Variants in TNFSF4 observed in about 807,000 individuals in gnomAD.
TNFSF4 encodes the protein tumor necrosis factor ligand superfamily member 4.
A neutral mutation model predicts 7.3 loss-of-function variants in TNFSF4; 4 were observed. The observed-to-expected ratio is 0.55, with a 90% CI of 0.27 to 1.25. The LOEUF (loss-of-function observed/expected upper bound fraction) is 1.25. Among genes scored for constraint, TNFSF4 ranks in the 50% most tolerant of loss-of-function variants. The pLI, the probability that TNFSF4 is intolerant of heterozygous loss-of-function variation, is 0.12. For missense variants in TNFSF4, 181 were observed against 208.8 expected, an observed-to-expected ratio of 0.87 and a Z score of 0.82; for synonymous variants, 76 against 83.7, an observed-to-expected ratio of 0.91 and a Z score of 0.50.
the TNFSF4 span, among the ~76,000 whole-genome samples, chr1:173,310,655 T>C: frequency 6.6e-6 from 1 of 151,682 alleles, no homozygotes; most frequent in Non-Finnish European, 1.5e-5. Context: ...TTTTCTATAA[T>C]TTTATTGTAC....
the TNFSF4 span, among the ~76,000 whole-genome samples, chr1:173,360,278 G>A: frequency 6.6e-6 from 1 of 152,204 alleles, no homozygotes; most frequent in Non-Finnish European, 1.5e-5. Flanking sequence ...CATTCTCCTG[G>A]ACTGTGCCTT....
the TNFSF4 span, among the ~76,000 whole-genome samples, chr1:173,275,592 T>A: frequency 6.6e-6 from 1 of 152,188 alleles, no homozygotes; most frequent in Non-Finnish European, 1.5e-5. Flanking sequence ...AGACCACTTC[T>A]GTTCAATTTG....
At chr1:173,378,649 G>T in the TNFSF4 span, among the ~76,000 whole-genome samples, 5 of 152,116 alleles carry the variant, frequency 3.3e-5, no homozygotes, top group Non-Finnish European at 7.4e-5. Flanking sequence ...CTGTAAGAGG[G>T]AAAGCAAATG....
chr1:173,448,860 C>T, the TNFSF4 span, among the ~76,000 whole-genome samples: 6 of 152,128 alleles, frequency 3.9e-5, no homozygotes, highest in African/African-American at 1.4e-4. Flanking sequence ...GCTCAGAGGC[C>T]TGACAATCTT....
intron 1 of TNFSF4, among the ~76,000 whole-genome samples, chr1:173,191,179 C>T (rs1481391562): frequency 1.3e-5 from 2 of 152,124 alleles, no homozygotes; most frequent in Non-Finnish European, 2.9e-5. Flanking sequence ...AGTGACCAAA[C>T]AGACATTCTC....
At chr1:173,248,819 A>G in the TNFSF4 span, among the ~76,000 whole-genome samples, 2 of 152,196 alleles carry the variant, frequency 1.3e-5, no homozygotes, top group Non-Finnish European at 2.9e-5. Context: ...TTCGATAGCT[A>G]ACTATCCTAT....
the TNFSF4 span, among the ~76,000 whole-genome samples, chr1:173,289,329 G>A: frequency 6.8e-4 from 104 of 151,830 alleles, 2 homozygotes; most frequent in South Asian, 3.6e-3. Flanking sequence ...GTGAGGGGTC[G>A]GGGGGGCAAT....
intron 1 of TNFSF4, among the ~76,000 whole-genome samples, chr1:173,201,028 T>C (rs1649921111): frequency 6.6e-6 from 1 of 152,242 alleles, no homozygotes; most frequent in Admixed American, 6.5e-5. Flanking sequence ...TTCCCCAATG[T>C]TTCTAGATTA....
At chr1:173,383,976 GTCA>G in the TNFSF4 span, among the ~76,000 whole-genome samples, 2 of 152,134 alleles carry the variant, frequency 1.3e-5, no homozygotes, top group South Asian at 4.1e-4. Context: ...TGTTGTTATC[GTCA>G]TCATGATGAC....
the TNFSF4 span, chr1:173,441,797 A>G: frequency 0.95 from 144,815 of 152,266 alleles, 69,334 homozygotes; most frequent in East Asian, 1. Flanking sequence ...GATGTTCCCC[A>G]TGGTGTGGAG....
At chr1:173,309,989 GAGA>G in the TNFSF4 span, among the ~76,000 whole-genome samples, 1 of 151,788 alleles carries the variant, frequency 6.6e-6, no homozygotes, top group Non-Finnish European at 1.5e-5. Flanking sequence ...ATGTTCATAT[GAGA>G]TTTTAATGAC....
At chr1:173,327,472 G>A in the TNFSF4 span, among the ~76,000 whole-genome samples, 8 of 151,444 alleles carry the variant, frequency 5.3e-5, no homozygotes, top group African/African-American at 1.9e-4. Context: ...AACACCAAAA[G>A]CAATGGCAAC....
chr1:173,387,597 T>C, the TNFSF4 span, among the ~76,000 whole-genome samples: 1 of 152,220 alleles, frequency 6.6e-6, no homozygotes, highest in South Asian at 2.1e-4. Context: ...AAGAGATTCC[T>C]TCCTGAAACT....
At chr1:173,323,961 T>A in the TNFSF4 span, among the ~76,000 whole-genome samples, 1 of 151,918 alleles carries the variant, frequency 6.6e-6, no homozygotes, top group Non-Finnish European at 1.5e-5. Context: ...CACAAGAACT[T>A]CCCCAATCGA....
chr1:173,419,070 T>C, the TNFSF4 span, among the ~76,000 whole-genome samples: 1 of 152,212 alleles, frequency 6.6e-6, no homozygotes, highest in Non-Finnish European at 1.5e-5. Context: ...CCGGGTGCTG[T>C]GGCTCACGCC....
the TNFSF4 span, among the ~76,000 whole-genome samples, chr1:173,234,007 G>T: frequency 2.0e-5 from 3 of 152,252 alleles, no homozygotes; most frequent in Admixed American, 6.5e-5. Context: ...AGAGTGAACA[G>T]GCAACCTACA....
At chr1:173,378,217 G>A in the TNFSF4 span, among the ~76,000 whole-genome samples, 6 of 152,006 alleles carry the variant, frequency 3.9e-5, no homozygotes, top group Non-Finnish European at 5.9e-5. Context: ...GGACCGTTGC[G>A]GGTTCTTCGG....
chr1:173,366,906 T>C, the TNFSF4 span, among the ~76,000 whole-genome samples: 1 of 152,146 alleles, frequency 6.6e-6, no homozygotes, highest in Non-Finnish European at 1.5e-5. Flanking sequence ...AAAAATAAAT[T>C]CCTGACATAA....
At chr1:173,376,968 G>A in the TNFSF4 span, among the ~76,000 whole-genome samples, 2 of 152,106 alleles carry the variant, frequency 1.3e-5, no homozygotes, top group African/African-American at 2.4e-5. Flanking sequence ...GTAACACTGC[G>A]AGGATCTGCG....
Sources: gnomAD v4.1 joint callset for allele counts (sites outside exome capture counted in the v4.1 genomes callset) on GRCh38, gnomAD v4.1.1 for gene constraint, MANE v1.5 for transcripts, NCBI Gene and HGNC (gene_info 2026-07-23, HGNC 2026-07-21) for gene names.